The following USP20 variants were observed in gnomAD, a reference collection of about 807,000 sequenced individuals.
USP20 encodes the protein ubiquitin specific peptidase 20, also known as ubiquitin carboxyl-terminal hydrolase 20.
Under a neutral mutation model 124.2 loss-of-function variants are expected in USP20, and 80 were observed. The ratio of observed to expected loss-of-function variants is 0.64; its 90% CI spans 0.54 to 0.78. USP20 has a LOEUF of 0.78. Ranked by LOEUF, USP20 falls within the 30% of genes least tolerant of loss-of-function variation. The pLI is 0.00. For synonymous variants in USP20, 481 were observed against 512.3 expected (o/e 0.94, Z 0.83); for missense variants, 1,043 against 1,244.4 (o/e 0.84, Z 2.44).
chr9:129,860,073 G>A (rs1463196655), intron 6 of USP20, among the ~76,000 whole-genome samples: 1 of 151,880 alleles, frequency 6.6e-6, no homozygotes, highest in Non-Finnish European at 1.5e-5. Context: ...GCTCATTCCT[G>A]TAATCCCAGC....
intron 1 of USP20, among the ~76,000 whole-genome samples, chr9:129,843,563 C>T (rs1183101504): frequency 2.6e-5 from 4 of 151,998 alleles, no homozygotes; most frequent in African/African-American, 9.7e-5. Context: ...GGTGAAACCT[C>T]ATCTCTACTA....
intron 1 of USP20, among the ~76,000 whole-genome samples, chr9:129,845,979 C>CA (rs928335917): frequency 6.6e-6 from 1 of 151,890 alleles, no homozygotes; most frequent in African/African-American, 2.4e-5. Context: ...GGCTGGAGCG[C>CA]AGTGGTGCGA....
chr9:129,860,198 C>G (rs567849931), intron 6 of USP20, among the ~76,000 whole-genome samples: 1 of 151,974 alleles, frequency 6.6e-6, no homozygotes, highest in Non-Finnish European at 1.5e-5. Flanking sequence ...GGCATAGTAG[C>G]GGGCACCTGT....
intron 15 of USP20, among the ~76,000 whole-genome samples, chr9:129,872,054 T>G (rs2034154458): frequency 6.6e-6 from 1 of 152,118 alleles, no homozygotes; most frequent in African/African-American, 2.4e-5. Context: ...ATGATAGTGA[T>G]GTTAAGTGTC....
intron 6 of USP20, 151 bp downstream of exon 6, chr9:129,858,749 A>G: frequency 8.7e-7 from 1 of 1,147,110 alleles, no homozygotes; most frequent in Non-Finnish European, 1.2e-6. Flanking sequence ...TGAGGAGCTC[A>G]CATCAGCACA....
intron 10 of USP20, among the ~76,000 whole-genome samples, chr9:129,866,312 CCT>C (rs1390330241): frequency 6.6e-6 from 1 of 152,244 alleles, no homozygotes; most frequent in Non-Finnish European, 1.5e-5. Context: ...TGCCTGGACA[CCT>C]CTCTTTTTGG....
intron 1 of USP20, among the ~76,000 whole-genome samples, chr9:129,846,601 T>G (rs1194273692): frequency 2.0e-5 from 3 of 150,882 alleles, no homozygotes; most frequent in Non-Finnish European, 4.4e-5. Context: ...ATTCAGCAAA[T>G]ATTTTCTGAG....
At chr9:129,876,039 A>G (rs765700482) in intron 21 of USP20, 91 bp from the exon 22 acceptor site, 22 of 1,177,104 alleles carry the variant, frequency 1.9e-5, no homozygotes, top group Non-Finnish European at 2.7e-5. Flanking sequence ...GGGGGCACTG[A>G]TGGCTTGAGG....
rs905005211 is a variant in USP20 at position 129,880,493 on chromosome 9, C to T, written c.*43C>T. 1.8e-5 allele frequency: 11 copies of T among 614,748 alleles called. No homozygotes were observed. Among genetic ancestry groups the T allele is most frequent in the African/African-American group, 9.2e-5 (5 of 54,262 alleles). 38.1% of individuals were successfully genotyped at this position (614,748 alleles called of 1,614,324 possible). A position where few individuals can be genotyped will look rare whatever the true frequency, so the allele number is the denominator to read the frequency against. ...CCCATGTGCCCCACCCCGCGGAAGG[C>T]GTGTTTGTGCCCAGAAGAGAGGCCG... On this transcript the variant is annotated 3_prime_UTR_variant, in exon 26 of 26. Coordinates refer to ENST00000372429, the MANE Select transcript of USP20 (RefSeq NM_001110303.4).
In USP20 at chr9:129,869,792, G is replaced by A; in HGVS notation, c.1513G>A (p.Asp505Asn). Residue 505 changes from aspartate (D) to asparagine (N), a missense_variant, in exon 14 of 26, where the codon GAC becomes AAC. Transcript: ENST00000372429. ...NVPAKPGACG[D>N]SYAAQGWLAF... ...GCCGGCCAAGCCAGGCGCCTGTGGG[G>A]ACAGCTATGCCGCCCAGGGCTGGCT... The A allele has an allele frequency of 6.2e-7, 1 of 1,614,020 alleles. No homozygotes were observed. Among genetic ancestry groups the A allele is most frequent in the Non-Finnish European group, 8.5e-7 (1 of 1,180,036 alleles).
intron 15 of USP20, among the ~76,000 whole-genome samples, chr9:129,870,916 T>C (rs1216519860): frequency 6.6e-6 from 1 of 152,264 alleles, no homozygotes; most frequent in Non-Finnish European, 1.5e-5. Flanking sequence ...CCTGTTCTTG[T>C]TCTTTTTCTC....
Position 129,835,517 on chromosome 9 carries a change from A to G in USP20, c.-129+18A>G, listed in dbSNP as rs958574942. On this transcript the variant is annotated intron_variant, in intron 1 of 25. Coordinates refer to ENST00000372429, the MANE Select transcript of USP20 (RefSeq NM_001110303.4). Reference sequence around the variant, plus strand: ...GAGTGCAGGTGAGTTCCGGGCCGCCACCGGCTGCTTCTGTGGGCCGGGCCT... The same window carrying G: ...GAGTGCAGGTGAGTTCCGGGCCGCCGCCGGCTGCTTCTGTGGGCCGGGCCT... 1.4e-5 allele frequency: 4 copies of G among 289,406 alleles called. No individual in the cohort carries two copies. Among genetic ancestry groups the G allele is most frequent in the Admixed American group, 1.1e-4 (2 of 18,110 alleles). The allele number at this position is 289,406 out of a possible 1,614,324, so 17.9% of individuals were successfully genotyped here.
At chr9:129,852,420 A>C in intron 2 of USP20, 120 bp from the exon 3 acceptor site, 1 of 752,614 alleles carries the variant, frequency 1.3e-6, no homozygotes, top group Non-Finnish European at 2.2e-6. Context: ...TCCCTGCGTT[A>C]CCAGCTGGTT....
Position 129,879,568 on chromosome 9 carries a change from T to G in USP20, c.2513-5T>G. ...CTGAACCCGAGCCCGCTGTGTCTGT[T>G]GCAGAGCCCCCCGGGCCCATTGACA... On this transcript the variant is annotated splice_polypyrimidine_tract_variant and splice_region_variant and intron_variant, in intron 23 of 25. Coordinates refer to ENST00000372429, the MANE Select transcript of USP20 (RefSeq NM_001110303.4). This position sits in a 1 kb window ranked among gnomAD's most constrained non-coding sequence, Gnocchi z 4.2. 1.9e-6 allele frequency: 3 copies of G among 1,613,372 alleles called. No homozygotes were observed. The highest frequency in any genetic ancestry group is 2.5e-6 in the Non-Finnish European group (3 of 1,179,892).
At chr9:129,858,355 CTG>C (rs1473622717) in intron 5 of USP20, 110 bp from the exon 6 acceptor site, 3 of 1,507,338 alleles carry the variant, frequency 2.0e-6, no homozygotes, top group Non-Finnish European at 2.7e-6. Flanking sequence ...CTTCCGGCCT[CTG>C]TCCTGACAGG....
At chr9:129,865,735 G>A (rs763895952) in intron 10 of USP20, among the ~76,000 whole-genome samples, 7 of 152,108 alleles carry the variant, frequency 4.6e-5, no homozygotes, top group Non-Finnish European at 8.8e-5. Context: ...TGCAGTCATG[G>A]CTTACTGCAC....
chr9:129,840,704 G>A (rs1335716100), intron 1 of USP20, among the ~76,000 whole-genome samples: 3 of 151,106 alleles, frequency 2.0e-5, no homozygotes, highest in African/African-American at 7.3e-5. Context: ...ATCCCAGCGG[G>A]AATTAACTAA....
At position 129,868,396 on chromosome 9, in the gene USP20, C is replaced by T. The variant is rs776541522; in HGVS notation, c.1082C>T (p.Pro361Leu). The T allele has an allele frequency of 1.2e-6, 2 of 1,612,400 alleles. No homozygotes were observed. The highest frequency in any genetic ancestry group is 3.3e-5 in the Admixed American group (2 of 60,008). Residue 361 changes from proline (P) to leucine (L), a missense_variant, in exon 11 of 26, where the codon CCC becomes CTC. Physicochemically the swap from Pro to Leu is moderately conservative, Grantham distance 98. Coordinates refer to ENST00000372429, the MANE Select transcript of USP20 (RefSeq NM_001110303.4). ...GCCATGGCTGCCCTTGACGACCAGC[C>T]CGCGGAGGCCCAGCCCCCGTCACCA... ...DTAMAALDDQPAEAQPPSPRS... is the reference protein window; with the variant it reads ...DTAMAALDDQLAEAQPPSPRS...
intron 22 of USP20, among the ~76,000 whole-genome samples, chr9:129,876,991 G>A (rs2034437461): frequency 6.6e-6 from 1 of 152,072 alleles, no homozygotes; most frequent in African/African-American, 2.4e-5. Context: ...GAGAACCACT[G>A]GGCTCTACAG....
Sources: allele counts gnomAD v4.1 joint callset (sites outside exome capture counted in the v4.1 genomes callset), GRCh38; gene constraint gnomAD v4.1.1; non-coding constraint Gnocchi (gnomAD v3.1); transcripts MANE v1.5; gene names NCBI Gene and HGNC (gene_info 2026-07-23, HGNC 2026-07-21).